The following OPHN1 variants were observed in gnomAD, a reference collection of about 807,000 sequenced individuals.
The protein encoded by OPHN1 is oligophrenin-1.
A neutral mutation model predicts 60.7 loss-of-function variants in OPHN1; 11 were observed. The ratio of observed to expected loss-of-function variants is 0.18; its 90% CI spans 0.11 to 0.30. OPHN1 has a LOEUF of 0.30. Ranked by LOEUF, OPHN1 falls within the 10% of genes least tolerant of loss-of-function variation. OPHN1 has a pLI of 1.00. For missense variants in OPHN1, 449 were observed against 611.0 expected (o/e 0.73, Z 2.80); for synonymous variants, 226 against 222.6 (o/e 1.02, Z -0.14).
intron 19 of OPHN1, among the ~76,000 whole-genome samples, chrX:68,076,268 G>A (rs1052400949): frequency 4.5e-5 from 5 of 110,497 alleles, no homozygotes; most frequent in African/African-American, 1.6e-4. Flanking sequence ...AACATGATGC[G>A]ATGCCACTGA....
intron 2 of OPHN1, among the ~76,000 whole-genome samples, chrX:68,305,707 C>T (rs774377477): frequency 2.7e-5 from 3 of 112,708 alleles, no homozygotes; most frequent in East Asian, 5.6e-4. Context: ...CAATCATTAG[C>T]TGCCCACTAA....
intron 15 of OPHN1, among the ~76,000 whole-genome samples, chrX:68,124,682 G>A (rs1216662127): frequency 1.8e-5 from 2 of 109,880 alleles, no homozygotes. Context: ...TTTGAGACAA[G>A]GTCTCACTCC....
chrX:68,362,720 A>G (rs1479095929), intron 2 of OPHN1, among the ~76,000 whole-genome samples: 2 of 111,135 alleles, frequency 1.8e-5, no homozygotes, highest in African/African-American at 6.5e-5. Flanking sequence ...AATGGTGGAT[A>G]CATGTCACTA....
chrX:68,283,508 G>GT (rs1381172475), intron 3 of OPHN1, among the ~76,000 whole-genome samples: 5 of 111,192 alleles, frequency 4.5e-5, no homozygotes, highest in Non-Finnish European at 7.5e-5. Flanking sequence ...GACTATTGCT[G>GT]TAAAAACTAA....
intron 9 of OPHN1, among the ~76,000 whole-genome samples, chrX:68,208,670 T>C (rs772820732): frequency 2.2e-4 from 25 of 112,085 alleles, no homozygotes; most frequent in African/African-American, 8.1e-4. Flanking sequence ...AGCAATGTTA[T>C]GCCCATATGA....
At chrX:68,119,135 TC>T in intron 16 of OPHN1, 112 bp downstream of exon 16, 2 of 541,610 alleles carry the variant, frequency 3.7e-6, no homozygotes, top group South Asian at 5.4e-5. Context: ...ACATGTTTTT[TC>T]TTAAGCAATT....
At chrX:68,073,370 AGTT>A in intron 19 of OPHN1, 71 bp from the exon 20 acceptor site, 1 of 961,941 alleles carries the variant, frequency 1.0e-6, no homozygotes, top group Non-Finnish European at 1.4e-6. Context: ...GCTACCCACC[AGTT>A]GATGCTTGTT....
chrX:68,296,014 ACT>A (rs1157037992), intron 3 of OPHN1, among the ~76,000 whole-genome samples: 2 of 111,067 alleles, frequency 1.8e-5, no homozygotes, highest in African/African-American at 6.6e-5. Flanking sequence ...GGCATGGCAC[ACT>A]CTGCGTTCTC....
intron 2 of OPHN1, among the ~76,000 whole-genome samples, chrX:68,324,844 C>A (rs1302708560): frequency 2.8e-5 from 3 of 105,958 alleles, no homozygotes; most frequent in African/African-American, 1.0e-4. Flanking sequence ...GAGTTTGACA[C>A]CAGCCTGGGC....
chrX:68,303,895 G>A (rs1195279058), intron 2 of OPHN1, among the ~76,000 whole-genome samples: 4 of 110,715 alleles, frequency 3.6e-5, no homozygotes, highest in African/African-American at 1.3e-4. Context: ...TGGAAGGGTA[G>A]GGAGGAGCAG....
chrX:68,273,527 G>A (rs750575504), intron 5 of OPHN1, among the ~76,000 whole-genome samples: 1 of 112,134 alleles, frequency 8.9e-6, no homozygotes, highest in South Asian at 3.7e-4. Flanking sequence ...ATTGTCCAAC[G>A]GAACTTTGCA....
intron 12 of OPHN1, among the ~76,000 whole-genome samples, chrX:68,195,368 T>C (rs5964648): frequency 0.11 from 12,444 of 111,808 alleles, 1,716 homozygotes; most frequent in African/African-American, 0.39. Context: ...CCAAGATTTG[T>C]CTGTGTTGTC....
intron 15 of OPHN1, among the ~76,000 whole-genome samples, chrX:68,169,528 C>G (rs1194287500): frequency 2.8e-5 from 3 of 108,677 alleles, no homozygotes; most frequent in Non-Finnish European, 5.7e-5. Context: ...TGACTTCAAA[C>G]TATACTACAA....
At chrX:68,063,443 C>T (rs2076900710) in intron 21 of OPHN1, among the ~76,000 whole-genome samples, 1 of 109,516 alleles carries the variant, frequency 9.1e-6, no homozygotes, top group East Asian at 2.9e-4. Flanking sequence ...ATCACTTGAA[C>T]CTAGGAGGCG....
chrX:68,086,903 G>T (rs1332835434), intron 19 of OPHN1, among the ~76,000 whole-genome samples: 3 of 112,023 alleles, frequency 2.7e-5, no homozygotes, highest in Non-Finnish European at 5.6e-5. Context: ...ATTGTCCAAG[G>T]CCACCTGATA....
chrX:68,422,685 AAG>A (rs1293894820), intron 2 of OPHN1, among the ~76,000 whole-genome samples: 1 of 95,111 alleles, frequency 1.1e-5, no homozygotes. Flanking sequence ...AAAGGGAAGA[AAG>A]AGAAAGAAGG....
At chrX:68,057,891 C>G (rs2076879075) in intron 21 of OPHN1, among the ~76,000 whole-genome samples, 1 of 111,704 alleles carries the variant, frequency 9.0e-6, no homozygotes, top group Admixed American at 9.6e-5. Context: ...CATTTCCTTA[C>G]CAGTATAACA....
intron 5 of OPHN1, among the ~76,000 whole-genome samples, chrX:68,235,560 G>C (rs1035519656): frequency 9.0e-6 from 1 of 110,525 alleles, no homozygotes; most frequent in Non-Finnish European, 1.9e-5. Context: ...GCTTTTGGCC[G>C]GGCACAGTGG....
In OPHN1 at chrX:68,279,314, T is replaced by C. The variant is rs183082691; in HGVS notation, c.312+3742A>G. 5.8e-3 allele frequency among the ~76,000 whole-genome samples: 614 copies of C among 106,408 alleles called. 7 individuals carry two copies. Among genetic ancestry groups the C allele is most frequent in the African/African-American group, 0.02 (582 of 29,115 alleles). The allele number at this position is 106,408 out of a possible 115,157, so 92.4% of individuals were successfully genotyped here. A position where few individuals can be genotyped will look rare whatever the true frequency, so the allele number is the denominator to read the frequency against. On this transcript the variant is annotated intron_variant, in intron 4 of 24. Coordinates refer to ENST00000355520, the MANE Select transcript of OPHN1 (RefSeq NM_002547.3). The stretch of plus-strand genomic sequence containing the variant: ...TTAGTAGAGACGGGATTTCACCATG[T>C]TGACCAGGCTGCTCTTGAACTCCTG...
Sources: gnomAD v4.1 joint callset for allele counts (sites outside exome capture counted in the v4.1 genomes callset) on GRCh38, gnomAD v4.1.1 for gene constraint, MANE v1.5 for transcripts, NCBI Gene and HGNC (gene_info 2026-07-23, HGNC 2026-07-21) for gene names.